The following TNIK variants were observed in gnomAD, a reference collection of about 807,000 sequenced individuals.
TNIK encodes the protein TRAF2 and NCK-interacting protein kinase.
In TNIK, 49 loss-of-function variants were observed where a neutral mutation model predicts 191.3. The ratio of observed to expected loss-of-function variants is 0.26; its 90% confidence interval spans 0.20 to 0.32. The LOEUF is 0.32. Ranked by LOEUF, TNIK falls within the 10% of genes least tolerant of loss-of-function variation. TNIK has a pLI of 1.00. For missense variants in TNIK, 1,155 were observed against 1,702.3 expected, an observed-to-expected ratio of 0.68 and a Z score of 5.66; for synonymous variants, 594 against 600.9, an observed-to-expected ratio of 0.99 and a Z score of 0.17.
At chr3:171,369,124 T>G (rs1386784966) in intron 2 of TNIK, among the ~76,000 whole-genome samples, 1 of 152,176 alleles carries the variant, frequency 6.6e-6, no homozygotes, top group Non-Finnish European at 1.5e-5. Flanking sequence ...AGTTTAACTT[T>G]TAATTATTTC....
At chr3:171,097,579 T>G (rs1341932238) in intron 22 of TNIK, among the ~76,000 whole-genome samples, 1 of 152,158 alleles carries the variant, frequency 6.6e-6, no homozygotes. Flanking sequence ...TCTCAGGACA[T>G]CTGATGGTTT....
chr3:171,234,306 A>G (rs568873177), intron 2 of TNIK, among the ~76,000 whole-genome samples: 5 of 152,328 alleles, frequency 3.3e-5, no homozygotes, highest in Non-Finnish European at 5.9e-5. Context: ...CCCAGGTTAA[A>G]TGGAGCCTTT....
intron 12 of TNIK, among the ~76,000 whole-genome samples, chr3:171,149,174 A>C (rs959215961): frequency 1.3e-5 from 2 of 152,262 alleles, no homozygotes; most frequent in African/African-American, 4.8e-5. Context: ...CACACAAAAC[A>C]TACAGACTAG....
chr3:171,437,882 G>C (rs148210386), intron 1 of TNIK, among the ~76,000 whole-genome samples: 87 of 152,330 alleles, frequency 5.7e-4, no homozygotes, highest in African/African-American at 2.0e-3. Flanking sequence ...ACTAATGACA[G>C]GTGCTGAGGA....
At chr3:171,160,505 C>G (rs1054131094) in intron 11 of TNIK, among the ~76,000 whole-genome samples, 3 of 151,450 alleles carry the variant, frequency 2.0e-5, no homozygotes, top group African/African-American at 7.3e-5. Context: ...GCAATTCCCC[C>G]CAAGTCTTAC....
Position 171,079,542 on chromosome 3 carries a change from C to T in TNIK, c.3424G>A (p.Glu1142Lys). Residue 1142 changes from glutamate (E) to lysine (K), a missense_variant, in exon 28 of 33, where the codon GAA becomes AAA. Coordinates refer to ENST00000436636, the MANE Select transcript of TNIK (RefSeq NM_015028.4). ...CCAACTTTATAATGTATACAGCCTT[C>T]CAAGTCCCCAACAGTGATCCAGCCT... ...KQGWITVGDLEGCIHYKVVKY... is the reference protein window; with the variant it reads ...KQGWITVGDLKGCIHYKVVKY... 2 of 1,613,708 alleles carry T rather than the reference C, an allele frequency of 1.2e-6. No homozygotes were observed. The highest frequency in any genetic ancestry group is 1.7e-6 in the Non-Finnish European group (2 of 1,179,750).
intron 2 of TNIK, among the ~76,000 whole-genome samples, chr3:171,239,219 A>T (rs573629204): frequency 1.2e-4 from 18 of 152,354 alleles, no homozygotes; most frequent in Non-Finnish European, 2.4e-4. Flanking sequence ...TCAGAAATAT[A>T]TTATTTTGTT....
At chr3:171,262,272 C>A (rs1306423756) in intron 2 of TNIK, among the ~76,000 whole-genome samples, 1 of 151,978 alleles carries the variant, frequency 6.6e-6, no homozygotes. Context: ...TCCTCATGTA[C>A]CCCTCCCATC....
intron 2 of TNIK, among the ~76,000 whole-genome samples, chr3:171,254,703 A>G (rs1054684162): frequency 6.6e-6 from 1 of 152,226 alleles, no homozygotes; most frequent in Non-Finnish European, 1.5e-5. Flanking sequence ...CAGCTAACAT[A>G]TAAGGGCTAA....
chr3:171,161,086 A>G (rs73169794), intron 11 of TNIK, among the ~76,000 whole-genome samples, 184 bp downstream of exon 11: 12,587 of 152,192 alleles, frequency 0.083, 789 homozygotes, highest in African/African-American at 0.17. Flanking sequence ...TGATTTCCAC[A>G]TTTTCGTAAT....
intron 2 of TNIK, among the ~76,000 whole-genome samples, chr3:171,241,910 T>C (rs1560309781): frequency 6.6e-6 from 1 of 151,534 alleles, no homozygotes; most frequent in African/African-American, 2.4e-5. Flanking sequence ...AGCAAGCTAT[T>C]GCAAGGACAA....
chr3:171,240,541 C>T (rs549276061), intron 2 of TNIK, among the ~76,000 whole-genome samples: 14 of 134,558 alleles, frequency 1.0e-4, no homozygotes, highest in Middle Eastern at 3.9e-3. Context: ...TTTCTGTTCT[C>T]TTCTCCTACT....
At chr3:171,281,612 CTTTA>C (rs1750432926) in intron 2 of TNIK, among the ~76,000 whole-genome samples, 1 of 152,178 alleles carries the variant, frequency 6.6e-6, no homozygotes, top group Non-Finnish European at 1.5e-5. Context: ...GGGCAGTACA[CTTTA>C]AGTATTATTT....
chr3:171,142,424 A>T (rs560227192), intron 12 of TNIK, among the ~76,000 whole-genome samples: 2 of 152,358 alleles, frequency 1.3e-5, no homozygotes, highest in African/African-American at 4.8e-5. Flanking sequence ...ACTAACAACT[A>T]TACAGGTTGC....
intron 2 of TNIK, among the ~76,000 whole-genome samples, chr3:171,329,047 C>A (rs996416148): frequency 1.3e-5 from 2 of 152,188 alleles, no homozygotes; most frequent in Non-Finnish European, 2.9e-5. Flanking sequence ...AAATTTCATA[C>A]TATTCTTGAT....
chr3:171,269,661 C>T (rs1012987315), intron 2 of TNIK, among the ~76,000 whole-genome samples: 1 of 152,070 alleles, frequency 6.6e-6, no homozygotes, highest in African/African-American at 2.4e-5. Flanking sequence ...AATAGTTATC[C>T]CAAAAAGCAC....
At chr3:171,257,551 T>C (rs1747039285) in intron 2 of TNIK, among the ~76,000 whole-genome samples, 1 of 152,212 alleles carries the variant, frequency 6.6e-6, no homozygotes, top group Non-Finnish European at 1.5e-5. Context: ...CAGCACTCTG[T>C]CCTTGTGATC....
intron 10 of TNIK, 63 bp downstream of exon 10, chr3:171,167,032 T>C: frequency 6.5e-7 from 1 of 1,546,800 alleles, no homozygotes; most frequent in East Asian, 2.3e-5. Flanking sequence ...TCCAAATACA[T>C]CAAGCGCCCA....
At chr3:171,264,091 CACACACACACACACACACACAT>C (rs764267790) in intron 2 of TNIK, among the ~76,000 whole-genome samples, 12,695 of 118,878 alleles carry the variant, frequency 0.11, 733 homozygotes, top group Middle Eastern at 0.14. Flanking sequence ...CACACACACA[CACACACACACACACACACACAT>C]ATATATATAT....
Sources: gnomAD v4.1 joint callset for allele counts (sites outside exome capture counted in the v4.1 genomes callset) on GRCh38, gnomAD v4.1.1 for gene constraint, MANE v1.5 for transcripts, NCBI Gene and HGNC (gene_info 2026-07-23, HGNC 2026-07-21) for gene names.